Variants in ARID1B observed in about 807,000 individuals in gnomAD.
ARID1B encodes AT-rich interaction domain 1B, also known as AT-rich interactive domain-containing protein 1B.
In ARID1B, 30 loss-of-function variants were observed where a neutral mutation model predicts 212.3. The ratio of observed to expected loss-of-function variants is 0.14; its 90% CI spans 0.11 to 0.19. The LOEUF is 0.19. Among genes scored for constraint, ARID1B ranks in the 10% least tolerant of loss-of-function variants. The probability of loss-of-function intolerance (pLI) is 1.00; values close to 1 mark genes in which losing one functional copy is unlikely to be tolerated. For missense variants in ARID1B, 2,891 were observed against 3,204.0 expected (o/e 0.90, Z 2.36); for synonymous variants, 1,402 against 1,301.7 (o/e 1.08, Z -1.66).
intron 2 of ARID1B, among the ~76,000 whole-genome samples, chr6:156,869,421 A>G (rs1740336144): frequency 1.3e-5 from 2 of 152,198 alleles, no homozygotes; most frequent in South Asian, 4.1e-4. Flanking sequence ...AGACATTTTT[A>G]TATAATTTAT....
chr6:156,931,729 G>A (rs922345599), intron 3 of ARID1B, among the ~76,000 whole-genome samples: 2 of 152,020 alleles, frequency 1.3e-5, no homozygotes, highest in East Asian at 1.9e-4. Context: ...TTGAGAGGCC[G>A]AGGCAGGCTG....
At chr6:156,849,909 C>T (rs1057199794) in intron 2 of ARID1B, among the ~76,000 whole-genome samples, 3 of 151,646 alleles carry the variant, frequency 2.0e-5, no homozygotes, top group Non-Finnish European at 4.4e-5. Flanking sequence ...ACCTTTTTGA[C>T]ACCGGGCTTT....
intron 4 of ARID1B, among the ~76,000 whole-genome samples, chr6:156,997,039 C>G (rs187573925): frequency 8.1e-4 from 123 of 152,278 alleles, no homozygotes; most frequent in African/African-American, 2.6e-3. Flanking sequence ...TGATTTTTAG[C>G]ATTACTTAAG....
At chr6:156,860,142 AAT>A (rs1239769410) in intron 2 of ARID1B, among the ~76,000 whole-genome samples, 1 of 152,234 alleles carries the variant, frequency 6.6e-6, no homozygotes, top group Non-Finnish European at 1.5e-5. Context: ...CCCTTTGCAG[AAT>A]ATGCTTTAAA....
At chr6:157,086,202 T>A (rs1340588411) in intron 5 of ARID1B, among the ~76,000 whole-genome samples, 1 of 152,236 alleles carries the variant, frequency 6.6e-6, no homozygotes, top group Non-Finnish European at 1.5e-5. Context: ...GGCTAAAATT[T>A]GCTTTTTTTA....
At chr6:157,109,562 C>T (rs750564099) in intron 5 of ARID1B, among the ~76,000 whole-genome samples, 4 of 152,130 alleles carry the variant, frequency 2.6e-5, no homozygotes, top group Non-Finnish European at 5.9e-5. Context: ...TTTTAAATTC[C>T]GTTACATTTT....
intron 3 of ARID1B, among the ~76,000 whole-genome samples, chr6:156,932,939 T>C (rs933367308): frequency 3.3e-5 from 5 of 152,252 alleles, no homozygotes; most frequent in African/African-American, 4.8e-5. Context: ...TTCTTGTGGT[T>C]AGGAATAGTA....
At chr6:156,988,054 A>T (rs367735917) in intron 4 of ARID1B, among the ~76,000 whole-genome samples, 1 of 151,926 alleles carries the variant, frequency 6.6e-6, no homozygotes, top group East Asian at 1.9e-4. Context: ...TACTGTTGGT[A>T]CATATAGGCA....
At chr6:156,803,297 A>T (rs1780918953) in intron 1 of ARID1B, among the ~76,000 whole-genome samples, 1 of 152,208 alleles carries the variant, frequency 6.6e-6, no homozygotes, top group Non-Finnish European at 1.5e-5. Flanking sequence ...AATGTTGTAT[A>T]ATAGAAATGT....
rs1179289285 is a variant in ARID1B, at chr6:156,955,039, A to G, written c.2247+19463A>G. Among the ~76,000 whole-genome samples the G allele has an allele frequency of 1.3e-5, 2 of 152,098 alleles. No homozygotes were observed. Among genetic ancestry groups the G allele is most frequent in the African/African-American group, 4.8e-5 (2 of 41,406 alleles). On this transcript the variant is annotated intron_variant, in intron 4 of 19. Coordinates refer to ENST00000636930, the MANE Select transcript of ARID1B (RefSeq NM_001374828.1). The surrounding 1 kb of genome is among the most constrained non-coding windows in gnomAD (Gnocchi z 4.2). ...CAGGGCTTTGCGGCAGCTGCAGCCC[A>G]CTCTTGCCACTGTGATGGGAGCTGC... is the stretch of plus-strand genomic sequence containing the variant.
chr6:156,898,030 A>G (rs67471130), intron 2 of ARID1B, among the ~76,000 whole-genome samples: 39,087 of 151,902 alleles, frequency 0.26, 5,383 homozygotes, highest in African/African-American at 0.36. Flanking sequence ...TTCACTACAT[A>G]ACTAAATCAG....
chr6:156,784,867 C>T (rs896125256), intron 1 of ARID1B, among the ~76,000 whole-genome samples: 1 of 152,206 alleles, frequency 6.6e-6, no homozygotes, highest in African/African-American at 2.4e-5. Context: ...TCAAGTGATT[C>T]TCCTGCCTCA....
Position 157,102,806 on chromosome 6 carries a change from C to G in ARID1B, c.2492-7666C>G, listed in dbSNP as rs367863966. Among the ~76,000 whole-genome samples the G allele has an allele frequency of 1.4e-4, 21 of 151,936 alleles. No homozygotes were observed. In the East Asian group the frequency reaches 3.5e-3, roughly 25 times the overall value. On this transcript the variant is annotated intron_variant, in intron 5 of 19. Coordinates refer to ENST00000636930, the MANE Select transcript of ARID1B (RefSeq NM_001374828.1). The stretch of plus-strand genomic sequence containing the variant: ...TAGAGACGGGGTTTCACCATATTGA[C>G]CAGGCTGGCCTCAAACTCCTGACCT...
chr6:156,820,892 G>A (rs1410717085), intron 1 of ARID1B, among the ~76,000 whole-genome samples: 1 of 152,206 alleles, frequency 6.6e-6, no homozygotes, highest in African/African-American at 2.4e-5. Context: ...CCAGTGGAAA[G>A]GTTTCTGTAC....
intron 5 of ARID1B, among the ~76,000 whole-genome samples, chr6:157,102,907 T>C (rs1462262507): frequency 6.6e-6 from 1 of 152,150 alleles, no homozygotes; most frequent in Non-Finnish European, 1.5e-5. Flanking sequence ...TTCCTGAATG[T>C]TTCTTTACTC....
At chr6:157,152,589 G>A (rs1790279396) in intron 8 of ARID1B, among the ~76,000 whole-genome samples, 1 of 151,980 alleles carries the variant, frequency 6.6e-6, no homozygotes. Context: ...TGTTCACTTC[G>A]CAATGCACAT....
rs17087970 is a variant in ARID1B at position 156,970,892 on chromosome 6, A to G, written c.2247+35316A>G. ...CCTGGATCTCTAGCAGGGAAGCAGA[A>G]TTCTCCCCAGTGTGCTGTTTGCGTG... On this transcript the variant is annotated intron_variant, in intron 4 of 19. Coordinates refer to ENST00000636930, the MANE Select transcript of ARID1B (RefSeq NM_001374828.1). 1.8e-3 allele frequency among the ~76,000 whole-genome samples: 271 copies of G among 152,272 alleles called. 3 individuals are homozygous for G. The highest frequency in any genetic ancestry group is 6.2e-3 in the African/African-American group (256 of 41,548).
intron 2 of ARID1B, among the ~76,000 whole-genome samples, chr6:156,886,617 G>A (rs1468115987): frequency 2.3e-4 from 35 of 152,148 alleles, no homozygotes; most frequent in Non-Finnish European, 1.5e-4. Flanking sequence ...GGAGAGTGGA[G>A]TGAGCACTTC....
chr6:157,076,937 A>G (rs1784349389), intron 4 of ARID1B, among the ~76,000 whole-genome samples: 1 of 152,216 alleles, frequency 6.6e-6, no homozygotes, highest in South Asian at 2.1e-4. Flanking sequence ...GTTTTGGAGT[A>G]GAATATAGAA....
Sources: allele counts gnomAD v4.1 joint callset (sites outside exome capture counted in the v4.1 genomes callset), GRCh38; gene constraint gnomAD v4.1.1; non-coding constraint Gnocchi (gnomAD v3.1); transcripts MANE v1.5; gene names NCBI Gene and HGNC (gene_info 2026-07-23, HGNC 2026-07-21).